Variants in WIPF1 observed in about 807,000 individuals in gnomAD.
WIPF1 encodes the protein WAS/WASL-interacting protein family member 1.
A neutral mutation model predicts 35.4 loss-of-function variants in WIPF1; 13 were observed. The ratio of observed to expected loss-of-function variants is 0.37; its 90% CI spans 0.24 to 0.58. WIPF1 has a LOEUF of 0.58. Ranked by LOEUF, WIPF1 falls within the 20% of genes least tolerant of loss-of-function variation. WIPF1 has a pLI of 0.74. For missense variants in WIPF1, 591 were observed against 667.0 expected, an observed-to-expected ratio of 0.89 and a Z score of 1.25; for synonymous variants, 267 against 266.3, an observed-to-expected ratio of 1.00 and a Z score of -0.02.
rs142757764 is a variant in WIPF1 at position 174,667,226 on chromosome 2, C to T, written c.-39+15548G>A. Among the ~76,000 whole-genome samples the T allele has an allele frequency of 4.9e-3, 746 of 152,326 alleles. 8 individuals are homozygous for T. The highest frequency in any genetic ancestry group is 0.017 in the African/African-American group (695 of 41,566). On this transcript the variant is annotated intron_variant, in intron 1 of 8. Transcript: ENST00000272746. Reference sequence around the variant, plus strand: ...GCATTTCCCACCCTCGAACAGTCTACCAAGTACGGCACCCTCTTCCTGGGA... The same window carrying T: ...GCATTTCCCACCCTCGAACAGTCTATCAAGTACGGCACCCTCTTCCTGGGA...
At chr2:174,595,139 T>TATATATAA (rs1332566404) in intron 1 of WIPF1, among the ~76,000 whole-genome samples, 3 of 101,874 alleles carry the variant, frequency 2.9e-5, no homozygotes, top group Middle Eastern at 6.3e-3. Context: ...TATATATATA[T>TATATATAA]AATTAACTGG....
intron 1 of WIPF1, among the ~76,000 whole-genome samples, chr2:174,608,431 G>A (rs1686242213): frequency 6.6e-6 from 1 of 152,098 alleles, no homozygotes; most frequent in Non-Finnish European, 1.5e-5. Context: ...AAGTGCTGAG[G>A]TTGGAACATC....
intron 1 of WIPF1, among the ~76,000 whole-genome samples, chr2:174,653,386 T>C (rs191747960): frequency 1.3e-5 from 2 of 152,180 alleles, no homozygotes; most frequent in Admixed American, 6.5e-5. Context: ...AGTGAATATA[T>C]GGGGATAGTA....
intron 5 of WIPF1, chr2:174,568,705 C>T (rs1263006330): frequency 1.3e-5 from 2 of 152,218 alleles, no homozygotes; most frequent in Admixed American, 6.5e-5. Flanking sequence ...ACATCCATGG[C>T]TATAAATGCT....
rs1684497404 is a variant in WIPF1 at position 174,562,038 on chromosome 2, C to G, written c.*509G>C. On this transcript the variant is annotated 3_prime_UTR_variant, in exon 8 of 8. Transcript: ENST00000679041. Reference sequence around the variant, plus strand: ...TATATTTCTATTGGACAGCTCTGTCCTAGAGCCAAGCTCGGACTGCCAAAG... The same window carrying G: ...TATATTTCTATTGGACAGCTCTGTCGTAGAGCCAAGCTCGGACTGCCAAAG... 2 of 1,547,894 alleles carry G rather than the reference C, an allele frequency of 1.3e-6. No individual in the cohort carries two copies. Among genetic ancestry groups the G allele is most frequent in the Non-Finnish European group, 1.7e-6 (2 of 1,144,766 alleles).
At chr2:174,655,700 T>C (rs144838272) in intron 1 of WIPF1, 1 of 152,440 alleles carries the variant, frequency 6.6e-6, no homozygotes, top group Non-Finnish European at 1.5e-5. Flanking sequence ...CAGGCCTGGG[T>C]TATGTACCCT....
chr2:174,607,383 A>G (rs985701622), intron 1 of WIPF1, among the ~76,000 whole-genome samples: 3 of 152,128 alleles, frequency 2.0e-5, no homozygotes, highest in African/African-American at 7.2e-5. Flanking sequence ...AACCTGGGCA[A>G]CAGAGCAGGA....
chr2:174,599,551 T>G (rs570783597), upstream of WIPF1, among the ~76,000 whole-genome samples: 15 of 152,190 alleles, frequency 9.9e-5, no homozygotes, highest in African/African-American at 3.4e-4. Flanking sequence ...AATAAATACC[T>G]GCAGGCATGG....
chr2:174,674,331 A>T (rs1346168396), intron 1 of WIPF1, among the ~76,000 whole-genome samples: 1 of 152,176 alleles, frequency 6.6e-6, no homozygotes, highest in African/African-American at 2.4e-5. Flanking sequence ...CAAGAGAGAA[A>T]CTCAGCTTTG....
intron 3 of WIPF1, among the ~76,000 whole-genome samples, chr2:174,576,230 CAAAA>C (rs66562213): frequency 2.0e-5 from 2 of 98,950 alleles, no homozygotes; most frequent in Non-Finnish European, 4.0e-5. Flanking sequence ...TGCACTCCAG[CAAAA>C]AAAAAAAAAA....
intron 1 of WIPF1, among the ~76,000 whole-genome samples, chr2:174,608,834 A>C (rs1686254800): frequency 6.6e-6 from 1 of 152,206 alleles, no homozygotes; most frequent in South Asian, 2.1e-4. Flanking sequence ...TTCCTTATTC[A>C]GACTTCTCTG....
rs765484009 is a variant in WIPF1, at chr2:174,581,490, C to T, written c.52-51G>A. The T allele has an allele frequency of 6.9e-6, 11 of 1,593,816 alleles. No individual in the cohort carries two copies. The South Asian group carries it at 1.0e-4, about 15-fold the overall frequency. ...AGTCATCTCTTGGGTTAAAATCATGCATTGTAACACTCGGCTGGGAAAGGT... is the reference window on the plus strand; with the variant it reads ...AGTCATCTCTTGGGTTAAAATCATGTATTGTAACACTCGGCTGGGAAAGGT... On this transcript the variant is annotated intron_variant, in intron 2 of 7. Transcript: ENST00000679041.
At chr2:174,568,455 T>C (rs1315931814) in intron 5 of WIPF1, among the ~76,000 whole-genome samples, 6 of 152,236 alleles carry the variant, frequency 3.9e-5, no homozygotes, top group Admixed American at 2.6e-4. Context: ...AAAGAATTTT[T>C]TTAAAAAGAA....
chr2:174,575,724 C>A (rs1201936401), intron 3 of WIPF1, among the ~76,000 whole-genome samples: 5 of 151,962 alleles, frequency 3.3e-5, no homozygotes, highest in African/African-American at 1.2e-4. Flanking sequence ...CACATGTAAT[C>A]TCAGCACTTT....
chr2:174,636,230 G>A (rs938631408), intron 1 of WIPF1, among the ~76,000 whole-genome samples: 8 of 152,280 alleles, frequency 5.3e-5, no homozygotes, highest in Admixed American at 4.6e-4. Flanking sequence ...TTTCAACTAA[G>A]CAGCTGCATA....
chr2:174,574,670 T>C (rs1574795161), intron 4 of WIPF1: 2 of 558,624 alleles, frequency 3.6e-6, no homozygotes, highest in Admixed American at 3.1e-5. Flanking sequence ...GAAGGACTCA[T>C]GTCCATGGCT....
Position 174,575,301 on chromosome 2 carries a change from T to A in WIPF1, c.261A>T (p.Gly87=), listed in dbSNP as rs934262380. Residue 87 remains glycine (G), a synonymous_variant, in exon 4 of 8, where the codon GGA becomes GGT. Transcript: ENST00000679041. ...GGGFGGGGGG[G]GGGSFGGGGP... is the part of the protein sequence containing the mutation. ...CGCCCCCTCCAAAACTTCCACCGCC[T>A]CCGCCACCACCTCCTCCGCCAAATC... 6.2e-7 allele frequency: 1 copy of A among 1,613,260 alleles called. No homozygotes were observed. Among genetic ancestry groups the A allele is most frequent in the Non-Finnish European group, 8.5e-7 (1 of 1,179,732 alleles).
chr2:174,563,733 T>C (rs1684558284), intron 7 of WIPF1, among the ~76,000 whole-genome samples: 1 of 152,136 alleles, frequency 6.6e-6, no homozygotes, highest in Non-Finnish European at 1.5e-5. Context: ...TGTGAACAGG[T>C]CTAACTGGGG....
intron 1 of WIPF1, among the ~76,000 whole-genome samples, chr2:174,659,576 A>G (rs1687714198): frequency 6.6e-6 from 1 of 152,120 alleles, no homozygotes; most frequent in African/African-American, 2.4e-5. Context: ...TTATGTAGGG[A>G]AGGTTGACAG....
Sources: gnomAD v4.1 joint callset for allele counts (sites outside exome capture counted in the v4.1 genomes callset) on GRCh38, gnomAD v4.1.1 for gene constraint, MANE v1.5 for transcripts, NCBI Gene and HGNC (gene_info 2026-07-23, HGNC 2026-07-21) for gene names.